Variants in RBM6 observed in about 807,000 individuals in gnomAD.
RBM6 encodes RNA-binding protein 6.
Under a neutral mutation model 140.4 loss-of-function variants are expected in RBM6, and 23 were observed. The observed-to-expected ratio is 0.16, with a 90% CI of 0.12 to 0.23. The LOEUF is 0.23. Ranked by LOEUF, RBM6 falls within the 10% of genes least tolerant of loss-of-function variation. The pLI, the probability that RBM6 is intolerant of heterozygous loss-of-function variation, is 1.00. For synonymous variants in RBM6, 439 were observed against 475.6 expected (o/e 0.92, Z 1.00); for missense variants, 1,139 against 1,386.7 (o/e 0.82, Z 2.84).
At chr3:49,992,348 T>C (rs1016248329) in intron 5 of RBM6, among the ~76,000 whole-genome samples, 2 of 152,164 alleles carry the variant, frequency 1.3e-5, no homozygotes, top group South Asian at 2.1e-4. Flanking sequence ...TTCTTCCTAG[T>C]CAAAATAAAA....
At chr3:50,070,645 AGAT>A in intron 19 of RBM6, 93 bp downstream of exon 19, 1 of 899,674 alleles carries the variant, frequency 1.1e-6, no homozygotes, top group Non-Finnish European at 1.8e-6. Context: ...TGTCTCAGGG[AGAT>A]GATATTATGA....
intron 18 of RBM6, among the ~76,000 whole-genome samples, chr3:50,069,349 CAA>C (rs758410317): frequency 7.9e-5 from 12 of 151,782 alleles, no homozygotes; most frequent in African/African-American, 1.2e-4. Context: ...CCTATCTCTA[CAA>C]AAAATATAAA....
rs561004215 is a variant in RBM6 at position 50,017,039 on chromosome 3, T to TG, written c.1557+17528dup. Among the ~76,000 whole-genome samples the TG allele has an allele frequency of 5.5e-4, 83 of 152,222 alleles. 1 individual carries two copies. In the South Asian group the frequency reaches 0.017, roughly 30 times the overall value. On this transcript the variant is annotated intron_variant, in intron 6 of 20. Coordinates refer to ENST00000266022, the MANE Select transcript of RBM6 (RefSeq NM_005777.3). ...TGAGGTTTCATTATGTTGTCCGGGC[T>TG]GGTCTTGAACTCCTAGGCTCAAGTG...
intron 8 of RBM6, among the ~76,000 whole-genome samples, chr3:50,054,885 G>A (rs1372306880): frequency 6.6e-6 from 1 of 151,970 alleles, no homozygotes; most frequent in African/African-American, 2.4e-5. Context: ...GTGCAGTGGC[G>A]CAATCTCGGA....
At chr3:50,073,504 T>C (rs945644242) in intron 19 of RBM6, among the ~76,000 whole-genome samples, 1 of 152,196 alleles carries the variant, frequency 6.6e-6, no homozygotes, top group Non-Finnish European at 1.5e-5. Flanking sequence ...ACCTAATCAC[T>C]TCCTGAAGTT....
At chr3:49,994,408 G>C (rs924064938) in intron 5 of RBM6, among the ~76,000 whole-genome samples, 1 of 152,086 alleles carries the variant, frequency 6.6e-6, no homozygotes, top group African/African-American at 2.4e-5. Flanking sequence ...GAAATCTTGC[G>C]CACAAAGCCT....
chr3:49,947,537 C>A (rs2083549826), intron 1 of RBM6, among the ~76,000 whole-genome samples: 1 of 152,138 alleles, frequency 6.6e-6, no homozygotes, highest in Admixed American at 6.6e-5. Context: ...AATATTTTCT[C>A]TCTGTGGTTG....
rs751552449 is a variant in RBM6, at chr3:50,067,186, C to CAAAAAAAAAAAAAAAAAA, written c.2943+693_2943+710dup. ...TGGGTGACAGACCAAGACTCTATCTCAAAAAAAAAAAAAAAAAAAAAAAAA... is the reference window on the plus strand; with the variant it reads ...TGGGTGACAGACCAAGACTCTATCTCAAAAAAAAAAAAAAAAAAAAAAAAAAAAAAAAAAAAAAAAAAA... On this transcript the variant is annotated intron_variant, in intron 17 of 20. Transcript: ENST00000266022. Among the ~76,000 whole-genome samples, 2 of 19,556 alleles carry CAAAAAAAAAAAAAAAAAA rather than the reference C, an allele frequency of 1.0e-4. 1 individual carries two copies. The highest frequency in any genetic ancestry group is 3.1e-4 in the African/African-American group (2 of 6,508). The allele number at this position is 19,556 out of a possible 152,430, so 12.8% of individuals were successfully genotyped here. A position where few individuals can be genotyped will look rare whatever the true frequency, so the allele number is the denominator to read the frequency against.
chr3:49,952,941 T>C (rs2083803743), intron 1 of RBM6, among the ~76,000 whole-genome samples: 1 of 152,174 alleles, frequency 6.6e-6, no homozygotes, highest in Non-Finnish European at 1.5e-5. Flanking sequence ...GAGATGGGGG[T>C]TTTGCTGTGT....
At chr3:50,047,060 A>C (rs1231111231) in intron 6 of RBM6, 1 of 487,146 alleles carries the variant, frequency 2.1e-6, no homozygotes, top group African/African-American at 2.1e-5. Context: ...GTCTCAGACC[A>C]GATGCTAAGA....
intron 6 of RBM6, among the ~76,000 whole-genome samples, chr3:50,016,944 GCCT>G (rs1177169105): frequency 1.3e-5 from 2 of 150,860 alleles, no homozygotes; most frequent in African/African-American, 4.9e-5. Flanking sequence ...TCATGCCTCA[GCCT>G]CCTGAGTAGT....
chr3:49,974,479 C>A (rs2084966817), intron 4 of RBM6, among the ~76,000 whole-genome samples: 1 of 150,514 alleles, frequency 6.6e-6, no homozygotes, highest in Admixed American at 6.7e-5. Context: ...TCACGCCATT[C>A]TTCTGCCTCA....
chr3:49,999,860 G>A (rs1456236458), intron 6 of RBM6, among the ~76,000 whole-genome samples: 3 of 152,024 alleles, frequency 2.0e-5, no homozygotes, highest in Non-Finnish European at 4.4e-5. Flanking sequence ...TTGATTGTCT[G>A]TGACCCCAAG....
At chr3:50,034,236 G>A (rs1429065180) in intron 6 of RBM6, among the ~76,000 whole-genome samples, 10 of 151,664 alleles carry the variant, frequency 6.6e-5, no homozygotes, top group Non-Finnish European at 2.9e-5. Context: ...CCCCCACCTC[G>A]GCATCCCGAA....
chr3:50,060,181 C>T (rs866325782), intron 11 of RBM6, among the ~76,000 whole-genome samples: 2 of 152,192 alleles, frequency 1.3e-5, no homozygotes, highest in Non-Finnish European at 2.9e-5. Context: ...AATGATGGTA[C>T]AGTTTTGGAT....
At chr3:49,985,768 G>A (rs1195572803) in intron 5 of RBM6, among the ~76,000 whole-genome samples, 3 of 149,952 alleles carry the variant, frequency 2.0e-5, no homozygotes, top group Admixed American at 2.0e-4. Context: ...CACCACGCCC[G>A]GCTAATTTTT....
At chr3:50,018,581 G>GTTTTTTTTTTT in intron 6 of RBM6, among the ~76,000 whole-genome samples, 1 of 63,556 alleles carries the variant, frequency 1.6e-5, no homozygotes, top group Non-Finnish European at 2.8e-5. Context: ...GTAGGAGTGT[G>GTTTTTTTTTTT]TTTTTTTTTT....
chr3:50,009,176 G>C (rs76286335), intron 6 of RBM6, among the ~76,000 whole-genome samples: 58 of 152,112 alleles, frequency 3.8e-4, no homozygotes, highest in Non-Finnish European at 7.6e-4. Flanking sequence ...AGGACCTCTC[G>C]GGATTTCTAG....
At chr3:49,992,995 A>G (rs1226509403) in intron 5 of RBM6, among the ~76,000 whole-genome samples, 2 of 152,206 alleles carry the variant, frequency 1.3e-5, no homozygotes, top group Non-Finnish European at 2.9e-5. Context: ...CAAAAGTTGA[A>G]TGAGATTGAT....
Sources: allele counts gnomAD v4.1 joint callset (sites outside exome capture counted in the v4.1 genomes callset), GRCh38; gene constraint gnomAD v4.1.1; transcripts MANE v1.5; gene names NCBI Gene and HGNC (gene_info 2026-07-23, HGNC 2026-07-21).